GSG1L: variants seen among roughly 807,000 people sequenced by gnomAD.
GSG1L encodes GSG1 like, also known as germ cell-specific gene 1-like protein.
In GSG1L, 24 loss-of-function variants were observed where a neutral mutation model predicts 42.1. The ratio of observed to expected loss-of-function variants is 0.57; its 90% CI spans 0.41 to 0.80. The LOEUF (loss-of-function observed/expected upper bound fraction) is 0.80. Ranked by LOEUF, GSG1L falls within the 30% of genes least tolerant of loss-of-function variation. GSG1L has a pLI of 0.00. For synonymous variants in GSG1L, 215 were observed against 203.5 expected (o/e 1.06, Z -0.48); for missense variants, 445 against 472.2 (o/e 0.94, Z 0.53).
At chr16:27,803,531 T>C (rs1038976133) in intron 6 of GSG1L, among the ~76,000 whole-genome samples, 1 of 152,096 alleles carries the variant, frequency 6.6e-6, no homozygotes, top group Non-Finnish European at 1.5e-5. Context: ...CTTGCTGTTA[T>C]ATCCTCATCT....
At chr16:27,828,065 T>A (rs900115786) in intron 5 of GSG1L, among the ~76,000 whole-genome samples, 14 of 150,534 alleles carry the variant, frequency 9.3e-5, no homozygotes, top group Admixed American at 6.6e-5. Flanking sequence ...CATCCATCCA[T>A]CCATCCATCC....
At position 27,895,807 on chromosome 16, in the gene GSG1L, A is replaced by G. The variant is rs145740800; in HGVS notation, c.398-11169T>C. On this transcript the variant is annotated intron_variant, in intron 2 of 6. Coordinates refer to ENST00000447459, the MANE Select transcript of GSG1L (RefSeq NM_001109763.2). ...TTATGCTTTGACTCCAGGTCATAGTAGAGACCCTCAGTGGATACTTTAGTG... is the reference window on the plus strand; with the variant it reads ...TTATGCTTTGACTCCAGGTCATAGTGGAGACCCTCAGTGGATACTTTAGTG... Among the ~76,000 whole-genome samples the G allele has an allele frequency of 3.1e-3, 479 of 152,336 alleles. 2 individuals carry two copies. Among genetic ancestry groups the G allele is most frequent in the African/African-American group, 0.011 (450 of 41,582 alleles).
At chr16:28,055,987 A>G (rs1447454450) in intron 1 of GSG1L, among the ~76,000 whole-genome samples, 2 of 151,596 alleles carry the variant, frequency 1.3e-5, no homozygotes, top group African/African-American at 4.9e-5. Flanking sequence ...AAACCAAGAG[A>G]GGGAGCAGGG....
chr16:27,917,552 G>A (rs1474698202), intron 2 of GSG1L, among the ~76,000 whole-genome samples: 1 of 152,146 alleles, frequency 6.6e-6, no homozygotes, highest in African/African-American at 2.4e-5. Flanking sequence ...GAGCATAGGA[G>A]GCCTTCCTCT....
At chr16:27,806,947 G>C (rs1178733959) in intron 6 of GSG1L, among the ~76,000 whole-genome samples, 1 of 152,196 alleles carries the variant, frequency 6.6e-6, no homozygotes, top group Non-Finnish European at 1.5e-5. Flanking sequence ...CATTACAGCA[G>C]GCTCAGCCAA....
At chr16:27,836,609 T>G (rs1464779464) in intron 4 of GSG1L, among the ~76,000 whole-genome samples, 1 of 152,206 alleles carries the variant, frequency 6.6e-6, no homozygotes, top group Non-Finnish European at 1.5e-5. Context: ...GTTCATTGAT[T>G]CTTTCCTTTG....
chr16:28,059,312 G>C lies in GSG1L; in HGVS notation c.349+3764C>G, dbSNP rs1380699098. ...TACCCCAACGTCTCTGGGACTGTGG[G>C]AGGGGCCACCGCGGTGTGGGGTGTG... On this transcript the variant is annotated intron_variant, in intron 1 of 6. Transcript: ENST00000447459. This position sits in a 1 kb window ranked among gnomAD's most constrained non-coding sequence, Gnocchi z 4.4. Among the ~76,000 whole-genome samples the C allele has an allele frequency of 6.6e-6, 1 of 152,094 alleles. No homozygotes were observed. The highest frequency in any genetic ancestry group is 1.5e-5 in the Non-Finnish European group (1 of 68,012).
At chr16:28,050,255 C>T (rs575564729) in intron 1 of GSG1L, among the ~76,000 whole-genome samples, 8 of 152,254 alleles carry the variant, frequency 5.3e-5, no homozygotes, top group Non-Finnish European at 1.0e-4. Flanking sequence ...TCACAATTCA[C>T]TGCAGCCAAG....
chr16:28,026,913 C>T (rs150673880), intron 1 of GSG1L, among the ~76,000 whole-genome samples: 1,889 of 152,238 alleles, frequency 0.012, 44 homozygotes, highest in African/African-American at 0.043. Context: ...GAAACTCCAT[C>T]TCTACTAAAA....
chr16:28,017,482 G>A (rs1292080914), intron 1 of GSG1L, among the ~76,000 whole-genome samples: 2 of 152,226 alleles, frequency 1.3e-5, no homozygotes, highest in Non-Finnish European at 2.9e-5. Flanking sequence ...CCGTGCCAGA[G>A]CAACTCTTCC....
chr16:27,944,052 C>T (rs2084835508), intron 2 of GSG1L, among the ~76,000 whole-genome samples: 1 of 152,108 alleles, frequency 6.6e-6, no homozygotes, highest in African/African-American at 2.4e-5. Flanking sequence ...TGAAGCAAGG[C>T]AGTGATGACC....
intron 3 of GSG1L, among the ~76,000 whole-genome samples, chr16:27,865,584 T>C (rs1174915882): frequency 9.3e-5 from 10 of 107,648 alleles, no homozygotes; most frequent in Non-Finnish European, 1.4e-4. Flanking sequence ...CACACACACA[T>C]ACATACATAC....
intron 5 of GSG1L, among the ~76,000 whole-genome samples, chr16:27,825,404 C>T (rs890449623): frequency 6.6e-6 from 1 of 152,214 alleles, no homozygotes; most frequent in African/African-American, 2.4e-5. Context: ...GGCATACTGG[C>T]TCATGCCTGT....
At chr16:27,909,000 G>A (rs1253561929) in intron 2 of GSG1L, among the ~76,000 whole-genome samples, 2 of 152,142 alleles carry the variant, frequency 1.3e-5, no homozygotes, top group Non-Finnish European at 2.9e-5. Flanking sequence ...TGTAGCTCAA[G>A]CCCTGGTGCC....
At chr16:27,797,523 C>CAA (rs766041354) in intron 6 of GSG1L, among the ~76,000 whole-genome samples, 21,262 of 71,488 alleles carry the variant, frequency 0.3, 2,347 homozygotes, top group Admixed American at 0.38. Context: ...AACTCCATCT[C>CAA]AAAAAAAAAA....
At chr16:27,997,241 C>A (rs1400826576) in intron 1 of GSG1L, among the ~76,000 whole-genome samples, 1 of 151,304 alleles carries the variant, frequency 6.6e-6, no homozygotes, top group Non-Finnish European at 1.5e-5. Flanking sequence ...TCGAAACCAG[C>A]CATGTCAAAT....
At chr16:27,949,212 A>G (rs1228788044) in intron 2 of GSG1L, among the ~76,000 whole-genome samples, 1 of 149,664 alleles carries the variant, frequency 6.7e-6, no homozygotes, top group African/African-American at 2.4e-5. Flanking sequence ...CACCGCCACT[A>G]CTCTATCATC....
At chr16:27,814,380 G>A (rs1378882446) in intron 5 of GSG1L, among the ~76,000 whole-genome samples, 1 of 152,142 alleles carries the variant, frequency 6.6e-6, no homozygotes, top group African/African-American at 2.4e-5. Flanking sequence ...CCAAAAAGCT[G>A]GGATTACAGG....
chr16:27,880,153 C>G (rs763079304), intron 3 of GSG1L, among the ~76,000 whole-genome samples: 1 of 152,166 alleles, frequency 6.6e-6, no homozygotes, highest in African/African-American at 2.4e-5. Flanking sequence ...CTCTCCACCC[C>G]CTCCAAGCCC....
Sources: allele counts gnomAD v4.1 joint callset (sites outside exome capture counted in the v4.1 genomes callset), GRCh38; gene constraint gnomAD v4.1.1; non-coding constraint Gnocchi (gnomAD v3.1); transcripts MANE v1.5; gene names NCBI Gene and HGNC (gene_info 2026-07-23, HGNC 2026-07-21).